The following ELFN2 variants were observed in gnomAD, a reference collection of about 807,000 sequenced individuals.
ELFN2 encodes the protein protein phosphatase 1 regulatory subunit 29.
Under a neutral mutation model 45.5 loss-of-function variants are expected in ELFN2, and 17 were observed. The ratio of observed to expected loss-of-function variants is 0.37; its 90% CI spans 0.26 to 0.56. The LOEUF is 0.56. Among genes scored for constraint, ELFN2 ranks in the 20% least tolerant of loss-of-function variants. ELFN2 has a pLI of 0.77. For missense variants in ELFN2, 922 were observed against 1,183.2 expected (o/e 0.78, Z 3.24); for synonymous variants, 550 against 551.5 (o/e 1.00, Z 0.04).
intron 2 of ELFN2, among the ~76,000 whole-genome samples, chr22:37,378,071 C>T (rs970289751): frequency 2.0e-5 from 3 of 152,202 alleles, no homozygotes; most frequent in Non-Finnish European, 4.4e-5. Flanking sequence ...GTCTGGGGAC[C>T]GCATTTGTAT....
chr22:37,398,502 C>T (rs187903761), intron 2 of ELFN2, among the ~76,000 whole-genome samples: 111 of 152,174 alleles, frequency 7.3e-4, no homozygotes, highest in African/African-American at 2.6e-3. Context: ...AGTAAAGCCC[C>T]CCAGCACAGC....
rs542011949 is a variant in ELFN2, at chr22:37,373,957, G to A, written c.1578C>T (p.Asn526=). 25 of 1,612,412 alleles carry A rather than the reference G, an allele frequency of 1.6e-5. No individual in the cohort carries two copies. The highest frequency in any genetic ancestry group is 6.7e-5 in the East Asian group (3 of 44,796). ...RPEDDLPDLE[N]GQGSAAEIST... Reference sequence around the variant, plus strand: ...AGATCTCTGCAGCCGAGCCCTGGCCGTTCTCGAGGTCCGGGAGGTCATCCT... The same window carrying A: ...AGATCTCTGCAGCCGAGCCCTGGCCATTCTCGAGGTCCGGGAGGTCATCCT... Residue 526 remains asparagine, a synonymous_variant, in exon 3 of 3, where the codon AAC becomes AAT. Transcript: ENST00000402918.
Position 37,374,160 on chromosome 22 carries a change from G to T in ELFN2, c.1375C>A (p.Leu459Met), listed in dbSNP as rs1380870365. The change falls in exon 3 of 3, where the codon CTG (leucine) becomes ATG (methionine). Residue 459 changes from leucine (L) to methionine (M), a missense_variant. Physicochemically the swap from Leu to Met is conservative, Grantham distance 15. Around this residue, in one of 2 missense-constraint regions of ELFN2, gnomAD observed 564 missense variants for 642.8 expected, o/e 0.88. Coordinates refer to ENST00000402918, the MANE Select transcript of ELFN2 (RefSeq NM_052906.5). Reference protein sequence around the residue: ...AGSIVHAAQKLGEPPVLPVSR... With the variant: ...AGSIVHAAQKMGEPPVLPVSR... Reference sequence around the variant, plus strand: ...ACGGGCAGCACGGGAGGCTCGCCCAGCTTCTGGGCGGCGTGCACAATGGAG... The same window carrying T: ...ACGGGCAGCACGGGAGGCTCGCCCATCTTCTGGGCGGCGTGCACAATGGAG... 6.2e-7 allele frequency: 1 copy of T among 1,613,112 alleles called. No homozygotes were observed. Among genetic ancestry groups the T allele is most frequent in the East Asian group, 2.2e-5 (1 of 44,886 alleles).
chr22:37,382,042 A>T (rs1013658284), intron 2 of ELFN2, among the ~76,000 whole-genome samples: 14 of 148,432 alleles, frequency 9.4e-5, no homozygotes, highest in Admixed American at 8.7e-4. Flanking sequence ...GGTGCTCATG[A>T]TGGGGCACAA....
At chr22:37,351,776 C>T (rs948368986) in intron 1 of ELFN2, among the ~76,000 whole-genome samples, 3 of 151,038 alleles carry the variant, frequency 2.0e-5, no homozygotes, top group African/African-American at 7.3e-5. Context: ...CCAGCCAACA[C>T]AGAGGGCTGC....
At position 37,373,172 on chromosome 22, in the gene ELFN2, G is replaced by C; in HGVS notation, c.2363C>G (p.Ala788Gly). ...GACCTTCTTGCGCAGGGCGTGACCG[G>C]CGGCCATGTACACCTCCTCCCGGTG... ...KHHREEVYMAAGHALRKKVQF... is the reference protein window; with the variant it reads ...KHHREEVYMAGGHALRKKVQF... The change falls in exon 3 of 3, where the codon GCC becomes GGC. Residue 788 changes from alanine (A) to glycine (G), a missense_variant. Transcript: ENST00000402918. The C allele has an allele frequency of 6.2e-7, 1 of 1,613,810 alleles. No individual in the cohort carries two copies.
At chr22:37,390,748 ACCCCTCT>A (rs1191650775) in intron 2 of ELFN2, among the ~76,000 whole-genome samples, 1 of 151,758 alleles carries the variant, frequency 6.6e-6, no homozygotes, top group South Asian at 2.1e-4. Flanking sequence ...CCCTCCCGCC[ACCCCTCT>A]CCCTTCTGGG....
At chr22:37,395,464 AGGCACACAGCTAAGAAGT>A (rs1932191263) in intron 2 of ELFN2, among the ~76,000 whole-genome samples, 1 of 152,162 alleles carries the variant, frequency 6.6e-6, no homozygotes, top group African/African-American at 2.4e-5. Flanking sequence ...CACTTCCCAA[AGGCACACAGCTAAGAAGT>A]GGCAGGGCCT....
At chr22:37,359,850 C>T (rs1458632374) in intron 1 of ELFN2, among the ~76,000 whole-genome samples, 1 of 152,224 alleles carries the variant, frequency 6.6e-6, no homozygotes, top group Non-Finnish European at 1.5e-5. Context: ...CTGTGATTGC[C>T]CCTGCAGAGC....
At chr22:37,345,244 C>A (rs1930668836) in intron 1 of ELFN2, among the ~76,000 whole-genome samples, 1 of 152,224 alleles carries the variant, frequency 6.6e-6, no homozygotes, top group South Asian at 2.1e-4. Context: ...CTGCCCCTCC[C>A]TCCCCATCAC....
chr22:37,394,699 A>T (rs1336256164), intron 2 of ELFN2, among the ~76,000 whole-genome samples: 1 of 152,218 alleles, frequency 6.6e-6, no homozygotes, highest in South Asian at 2.1e-4. Flanking sequence ...GTGACTGTCA[A>T]CAGTGCCTCA....
At chr22:37,383,519 G>A (rs903340871) in intron 2 of ELFN2, among the ~76,000 whole-genome samples, 2 of 152,216 alleles carry the variant, frequency 1.3e-5, no homozygotes, top group Admixed American at 1.3e-4. Flanking sequence ...CACCTGCTCC[G>A]GGCTCTGTGT....
Position 37,371,357 on chromosome 22 carries a change from T to A in ELFN2, c.*1715A>T, listed in dbSNP as rs1305875328. 6.6e-6 allele frequency: 1 copy of A among 151,826 alleles called. No individual in the cohort carries two copies. Among genetic ancestry groups the A allele is most frequent in the Non-Finnish European group, 1.5e-5 (1 of 67,948 alleles). 9.4% of individuals were successfully genotyped at this position (151,826 alleles called of 1,614,324 possible). A position where few individuals can be genotyped will look rare whatever the true frequency, so the allele number is the denominator to read the frequency against. On this transcript the variant is annotated 3_prime_UTR_variant, in exon 3 of 3. Transcript: ENST00000402918. The surrounding 1 kb of genome is among the most constrained non-coding windows in gnomAD (Gnocchi z 6.4). ...TGGGCCACAGGCCCTAGACTGGGGG[T>A]CTCTGGCAGGGGCGTGGGGAGAGCC...
intron 1 of ELFN2, among the ~76,000 whole-genome samples, chr22:37,419,128 A>G (rs1386031353): frequency 1.3e-5 from 2 of 151,678 alleles, no homozygotes; most frequent in African/African-American, 2.4e-5. Flanking sequence ...GCGGCGCCCA[A>G]CGGAAAATAA....
chr22:37,365,116 A>C (rs1931174612), downstream of ELFN2, among the ~76,000 whole-genome samples: 1 of 152,150 alleles, frequency 6.6e-6, no homozygotes, highest in Non-Finnish European at 1.5e-5. Flanking sequence ...GGAGGAGGCC[A>C]GCCTCTGAGA....
intron 1 of ELFN2, chr22:37,354,367 T>C (rs1165953522): frequency 1.3e-5 from 2 of 152,214 alleles, no homozygotes; most frequent in African/African-American, 4.8e-5. Context: ...TGTGTGTGTA[T>C]ACACGTATAT....
At chr22:37,350,975 A>G (rs1381743026) in intron 1 of ELFN2, among the ~76,000 whole-genome samples, 3 of 150,284 alleles carry the variant, frequency 2.0e-5, no homozygotes, top group African/African-American at 4.9e-5. Flanking sequence ...CCCCTGCCTC[A>G]GTGGGCCGCG....
chr22:37,384,004 G>T (rs1931864658), intron 2 of ELFN2, among the ~76,000 whole-genome samples: 1 of 152,054 alleles, frequency 6.6e-6, no homozygotes, highest in Non-Finnish European at 1.5e-5. Context: ...TGTGTCTCTG[G>T]TTTGCTGGGG....
intron 2 of ELFN2, among the ~76,000 whole-genome samples, chr22:37,405,249 C>T (rs1182099863): frequency 6.6e-6 from 1 of 152,074 alleles, no homozygotes; most frequent in African/African-American, 2.4e-5. Flanking sequence ...CATTCCACCA[C>T]ACCCAGCTAA....
Sources: allele counts gnomAD v4.1 joint callset (sites outside exome capture counted in the v4.1 genomes callset), GRCh38; gene constraint gnomAD v4.1.1; regional missense constraint gnomAD v4.1.1; non-coding constraint Gnocchi (gnomAD v3.1); transcripts MANE v1.5; gene names NCBI Gene and HGNC (gene_info 2026-07-23, HGNC 2026-07-21).